Variants in PDE1C observed in about 807,000 individuals in gnomAD.
PDE1C encodes the protein dual specificity calcium/calmodulin-dependent 3',5'-cyclic nucleotide phosphodiesterase 1C.
A neutral mutation model predicts 93.1 loss-of-function variants in PDE1C; 62 were observed. That is an observed-to-expected ratio of 0.67 (90% CI 0.54 to 0.82). The LOEUF (loss-of-function observed/expected upper bound fraction) is 0.82. Among genes scored for constraint, PDE1C ranks in the 40% least tolerant of loss-of-function variants. The pLI is 0.00. For missense variants in PDE1C, 742 were observed against 884.6 expected (o/e 0.84, Z 2.04); for synonymous variants, 325 against 310.1 (o/e 1.05, Z -0.50).
At chr7:32,131,819 C>A (rs772504872) in intron 3 of PDE1C, among the ~76,000 whole-genome samples, 7 of 152,054 alleles carry the variant, frequency 4.6e-5, no homozygotes, top group Non-Finnish European at 7.4e-5. Flanking sequence ...GTTTTAGACA[C>A]TGGGGACACA....
rs1783870828 is a variant in PDE1C, at chr7:32,347,247, G to T, written c.310+80575C>A. Among the ~76,000 whole-genome samples the T allele has an allele frequency of 2.0e-5, 3 of 152,272 alleles. No homozygotes were observed. In the South Asian group the frequency reaches 6.2e-4, roughly 32 times the overall value. Reference sequence around the variant, plus strand: ...GAGACTGAGAACACCTTAGACAATTGGAGCCACCTTCTGCTGAGGTACTGA... The same window carrying T: ...GAGACTGAGAACACCTTAGACAATTTGAGCCACCTTCTGCTGAGGTACTGA... On this transcript the variant is annotated intron_variant, in intron 1 of 1. Transcript: ENST00000672256.
chr7:32,177,942 C>T (rs1479671277), intron 2 of PDE1C, among the ~76,000 whole-genome samples: 1 of 152,160 alleles, frequency 6.6e-6, no homozygotes, highest in Non-Finnish European at 1.5e-5. Flanking sequence ...TCAGAATTAT[C>T]CCCCTGAGGA....
At position 32,253,001 on chromosome 7, in the gene PDE1C, G is replaced by GGGTT. The variant is rs540506097; in HGVS notation, c.86-43466_86-43463dup. Among the ~76,000 whole-genome samples the GGGTT allele has an allele frequency of 7.9e-5, 12 of 152,274 alleles. No homozygotes were observed. In the East Asian group the frequency reaches 2.3e-3, roughly 29 times the overall value. Reference sequence around the variant, plus strand: ...GCACAGTGGACAGGAAGCCATCAAAGGGTTCTAAGCATAGGTGTAGCAAAT... The same window carrying GGGTT: ...GCACAGTGGACAGGAAGCCATCAAAGGGTTGGTTCTAAGCATAGGTGTAGCAAAT... On this transcript the variant is annotated intron_variant, in intron 1 of 18. Coordinates refer to the PDE1C transcript ENST00000396193.
chr7:31,867,635 G>A (rs1795461156), intron 6 of PDE1C, among the ~76,000 whole-genome samples: 2 of 152,180 alleles, frequency 1.3e-5, no homozygotes, highest in South Asian at 4.1e-4. Context: ...CAATGCTCAT[G>A]CCATGCCTAC....
intron 1 of PDE1C, among the ~76,000 whole-genome samples, chr7:32,315,524 C>T (rs945398867): frequency 1.3e-5 from 2 of 152,158 alleles, no homozygotes; most frequent in Admixed American, 1.3e-4. Context: ...TGAACATATC[C>T]TGACTGCACC....
intron 3 of PDE1C, among the ~76,000 whole-genome samples, chr7:32,091,103 C>A (rs1797445580): frequency 6.6e-6 from 1 of 152,184 alleles, no homozygotes; most frequent in African/African-American, 2.4e-5. Flanking sequence ...ATTCACCTAT[C>A]TCCAATGCCT....
intron 1 of PDE1C, among the ~76,000 whole-genome samples, chr7:32,318,994 C>G (rs141769613): frequency 1.1e-4 from 17 of 152,304 alleles, no homozygotes; most frequent in Admixed American, 1.1e-3. Flanking sequence ...TCAAAAGAAC[C>G]GGTGGTGATT....
intron 7 of PDE1C, among the ~76,000 whole-genome samples, chr7:31,855,906 G>T (rs2128813146): frequency 6.6e-6 from 1 of 150,954 alleles, no homozygotes; most frequent in East Asian, 2.0e-4. Context: ...TAAATCAAAA[G>T]TACACTAGAG....
chr7:31,814,633 T>C (rs956015858), intron 15 of PDE1C, among the ~76,000 whole-genome samples: 5 of 150,968 alleles, frequency 3.3e-5, no homozygotes, highest in Non-Finnish European at 7.4e-5. Flanking sequence ...AACACGGTTC[T>C]GAGTAGATTA....
intron 3 of PDE1C, among the ~76,000 whole-genome samples, chr7:32,136,663 A>G (rs1271999363): frequency 2.0e-5 from 3 of 152,228 alleles, no homozygotes; most frequent in Admixed American, 2.0e-4. Flanking sequence ...ATTTAGTTAT[A>G]AAGGCAGAAG....
downstream of PDE1C, among the ~76,000 whole-genome samples, chr7:31,747,217 G>A (rs1794025343): frequency 6.6e-6 from 1 of 152,106 alleles, no homozygotes; most frequent in Non-Finnish European, 1.5e-5. Context: ...CACAATGCAT[G>A]GAAAAAATAT....
Position 31,905,778 on chromosome 7 carries a change from A to C in PDE1C, c.129-24918T>G, listed in dbSNP as rs981547192. 3.3e-5 allele frequency among the ~76,000 whole-genome samples: 5 copies of C among 152,176 alleles called. No individual in the cohort carries two copies. In the East Asian group the frequency reaches 9.6e-4, roughly 29 times the overall value. ...AATCTTATCTTGAATTGTAGTTCCC[A>C]TAATCCCCATGTGTTAAGGGAGGAA... On this transcript the variant is annotated intron_variant, in intron 2 of 17. Transcript: ENST00000396191.
chr7:31,952,223 T>C (rs1807465445), intron 2 of PDE1C, among the ~76,000 whole-genome samples: 1 of 152,094 alleles, frequency 6.6e-6, no homozygotes, highest in South Asian at 2.1e-4. Context: ...CTTCTTAAGG[T>C]AGAAGAATGT....
chr7:31,691,825 A>C, the PDE1C span, among the ~76,000 whole-genome samples: 14 of 144,806 alleles, frequency 9.7e-5, no homozygotes, highest in Non-Finnish European at 2.0e-4. Flanking sequence ...AAAAAAAACC[A>C]AGCAAAAAAC....
At chr7:32,233,985 C>CT (rs1228677494) in intron 1 of PDE1C, among the ~76,000 whole-genome samples, 1 of 151,844 alleles carries the variant, frequency 6.6e-6, no homozygotes, top group Admixed American at 6.6e-5. Context: ...CAGAAAGTCA[C>CT]TAATATAAAG....
intron 1 of PDE1C, among the ~76,000 whole-genome samples, chr7:32,322,439 A>T (rs1783313584): frequency 6.6e-6 from 1 of 152,036 alleles, no homozygotes; most frequent in Non-Finnish European, 1.5e-5. Flanking sequence ...CCATCTCTAC[A>T]CACGTAAAAA....
chr7:32,088,918 C>A (rs1166916047), intron 3 of PDE1C, among the ~76,000 whole-genome samples: 3 of 152,232 alleles, frequency 2.0e-5, no homozygotes, highest in Admixed American at 1.3e-4. Context: ...GAATACCCTT[C>A]TTGCTCTCAG....
At chr7:31,661,109 AC>A in the PDE1C span, among the ~76,000 whole-genome samples, 4 of 6,266 alleles carry the variant, frequency 6.4e-4, no homozygotes, top group African/African-American at 2.6e-3. Context: ...CAAATTCAGT[AC>A]CACAGAGAGG....
At chr7:31,997,343 T>C (rs1223997320) in intron 2 of PDE1C, among the ~76,000 whole-genome samples, 5 of 152,206 alleles carry the variant, frequency 3.3e-5, no homozygotes, top group African/African-American at 9.6e-5. Flanking sequence ...ATCTGGCTAG[T>C]AGATGCTTAA....
Sources: gnomAD v4.1 joint callset for allele counts (sites outside exome capture counted in the v4.1 genomes callset) on GRCh38, gnomAD v4.1.1 for gene constraint, MANE v1.5 for transcripts, NCBI Gene and HGNC (gene_info 2026-07-23, HGNC 2026-07-21) for gene names.